The following TRAPPC10 variants were observed in gnomAD, a reference collection of about 807,000 sequenced individuals.
TRAPPC10 encodes the protein trafficking protein particle complex subunit 10, also known as TRAPP 130 kDa subunit.
TRAPPC10 carries 23 observed loss-of-function variants against 125.5 expected under a neutral mutation model. The observed-to-expected ratio is 0.18, with a 90% CI of 0.13 to 0.26. TRAPPC10 has a LOEUF of 0.26. Among genes scored for constraint, TRAPPC10 ranks in the 10% least tolerant of loss-of-function variants. The pLI, the probability that TRAPPC10 is intolerant of heterozygous loss-of-function variation, is 1.00. For missense variants in TRAPPC10, 1,123 were observed against 1,308.4 expected, an observed-to-expected ratio of 0.86 and a Z score of 2.19; for synonymous variants, 509 against 518.0, an observed-to-expected ratio of 0.98 and a Z score of 0.24.
At chr21:44,065,385 G>A (rs2036369767) in intron 7 of TRAPPC10, among the ~76,000 whole-genome samples, 1 of 152,182 alleles carries the variant, frequency 6.6e-6, no homozygotes, top group African/African-American at 2.4e-5. Context: ...CCTCTTATCC[G>A]TGGTGTATTT....
chr21:44,079,960 T>G, intron 12 of TRAPPC10, 55 bp from the exon 13 acceptor site: 1 of 1,489,660 alleles, frequency 6.7e-7, no homozygotes, highest in East Asian at 2.3e-5. Context: ...TGCATCCACT[T>G]CCCCCCGCAC....
chr21:44,040,898 G>T (rs2034371684), intron 3 of TRAPPC10, among the ~76,000 whole-genome samples: 1 of 151,970 alleles, frequency 6.6e-6, no homozygotes, highest in Admixed American at 6.6e-5. Context: ...CTACAGGTGT[G>T]AGCCACTGCG....
At chr21:44,021,247 A>G (rs553527748) in intron 1 of TRAPPC10, among the ~76,000 whole-genome samples, 4 of 152,290 alleles carry the variant, frequency 2.6e-5, no homozygotes, top group African/African-American at 4.8e-5. Context: ...TCAGTGAGCA[A>G]ACATTTACGG....
intron 1 of TRAPPC10, among the ~76,000 whole-genome samples, chr21:44,029,580 A>G (rs1195939581): frequency 1.3e-5 from 2 of 152,270 alleles, no homozygotes; most frequent in African/African-American, 2.4e-5. Flanking sequence ...TGGGCCTTCA[A>G]ATCTACGCTG....
intron 1 of TRAPPC10, among the ~76,000 whole-genome samples, chr21:44,012,828 G>C (rs879505196): frequency 6.6e-6 from 1 of 151,900 alleles, no homozygotes. Context: ...GACTCTGCCC[G>C]GGACTGGGCG....
intron 1 of TRAPPC10, among the ~76,000 whole-genome samples, chr21:44,021,166 T>C (rs1044009705): frequency 5.9e-5 from 9 of 152,252 alleles, no homozygotes; most frequent in African/African-American, 9.6e-5. Context: ...TTGCTTCTCC[T>C]GTAGTCTGTT....
rs28433802 is a variant in TRAPPC10, at chr21:44,059,079, A to T, written c.679-24A>T. 3.2e-6 allele frequency: 5 copies of T among 1,552,654 alleles called. No homozygotes were observed. The highest frequency in any genetic ancestry group is 2.1e-5 in the Admixed American group (1 of 47,666). On this transcript the variant is annotated intron_variant, in intron 5 of 22. Coordinates refer to ENST00000291574, the MANE Select transcript of TRAPPC10 (RefSeq NM_003274.5). The surrounding 1 kb of genome is among the most constrained non-coding windows in gnomAD (Gnocchi z 4.4). ...CATTGATTTATGTTTTTGTTTTTTT[A>T]AAAAACGTATCTTGGGCGAATAGGA...
intron 20 of TRAPPC10, among the ~76,000 whole-genome samples, chr21:44,095,801 C>T (rs2038895576): frequency 6.6e-6 from 1 of 152,182 alleles, no homozygotes; most frequent in African/African-American, 2.4e-5. Context: ...AACTCCTGAC[C>T]TCATGATCCA....
chr21:44,069,682 G>A (rs934139948), intron 7 of TRAPPC10, among the ~76,000 whole-genome samples: 3 of 152,172 alleles, frequency 2.0e-5, no homozygotes, highest in African/African-American at 7.2e-5. Flanking sequence ...ACATGCATCA[G>A]AAGGCAAGTA....
At chr21:44,081,682 T>C (rs951591503) in intron 13 of TRAPPC10, among the ~76,000 whole-genome samples, 7 of 151,156 alleles carry the variant, frequency 4.6e-5, no homozygotes, top group Non-Finnish European at 8.9e-5. Context: ...AGGTCAGGAG[T>C]TTGAGACCAG....
chr21:44,025,476 T>C (rs2032950953), intron 1 of TRAPPC10, among the ~76,000 whole-genome samples: 2 of 152,196 alleles, frequency 1.3e-5, no homozygotes, highest in South Asian at 4.1e-4. Context: ...GATTCCTCAG[T>C]ATTCTTATAT....
Position 44,055,794 on chromosome 21 carries a change from T to G in TRAPPC10, c.579T>G (p.Ser193=), listed in dbSNP as rs1388631175. The change falls in exon 5 of 23, where the codon TCT becomes TCG. Residue 193 remains serine, a synonymous_variant. Coordinates refer to ENST00000291574, the MANE Select transcript of TRAPPC10 (RefSeq NM_003274.5). ...AACTCAGGACATTGCTTCTTATGTCTTTTACCAAAAACCTAGGCAAGTTTG... is the reference window on the plus strand; with the variant it reads ...AACTCAGGACATTGCTTCTTATGTCGTTTACCAAAAACCTAGGCAAGTTTG... ...LTKLRTLLLM[S]FTKNLGKFED... The G allele has an allele frequency of 1.9e-6, 3 of 1,613,814 alleles. No individual in the cohort carries two copies. The highest frequency in any genetic ancestry group is 1.3e-5 in the African/African-American group (1 of 74,898).
intron 18 of TRAPPC10, among the ~76,000 whole-genome samples, chr21:44,091,003 C>T (rs1419893226): frequency 1.3e-5 from 2 of 151,880 alleles, no homozygotes; most frequent in Non-Finnish European, 2.9e-5. Flanking sequence ...CCAGCCTGAC[C>T]AACATAGTGA....
intron 1 of TRAPPC10, among the ~76,000 whole-genome samples, chr21:44,019,318 G>A (rs1208971003): frequency 6.6e-6 from 1 of 152,148 alleles, no homozygotes; most frequent in Non-Finnish European, 1.5e-5. Flanking sequence ...CCAAAGTGCT[G>A]GGATTACAGG....
intron 3 of TRAPPC10, 71 bp downstream of exon 3, chr21:44,037,998 T>A (rs913889949): frequency 8.0e-5 from 125 of 1,556,990 alleles, no homozygotes; most frequent in Non-Finnish European, 1.1e-4. Flanking sequence ...GCTGTGTGAG[T>A]ACCAGTGGGG....
chr21:44,025,760 C>T (rs1244274174), intron 1 of TRAPPC10, among the ~76,000 whole-genome samples: 1 of 151,526 alleles, frequency 6.6e-6, no homozygotes, highest in Non-Finnish European at 1.5e-5. Flanking sequence ...CTTTTGACCC[C>T]ACCTACAGTG....
At chr21:44,073,155 T>A (rs1217928402) in intron 7 of TRAPPC10, among the ~76,000 whole-genome samples, 2 of 152,250 alleles carry the variant, frequency 1.3e-5, no homozygotes, top group African/African-American at 4.8e-5. Context: ...GTAGCTTATC[T>A]TATTTTTCAG....
chr21:44,046,450 T>C (rs1354758696), intron 3 of TRAPPC10: 2 of 278,914 alleles, frequency 7.2e-6, no homozygotes, highest in Non-Finnish European at 1.5e-5. Context: ...CTCCAGTTCT[T>C]CATCTCCAGG....
intron 18 of TRAPPC10, 39 bp downstream of exon 18, chr21:44,089,972 C>A: frequency 1.3e-6 from 2 of 1,504,632 alleles, no homozygotes; most frequent in Non-Finnish European, 9.2e-7. Flanking sequence ...GCTTCTTTCC[C>A]CAGACTCTTC....
Sources: allele counts gnomAD v4.1 joint callset (sites outside exome capture counted in the v4.1 genomes callset), GRCh38; gene constraint gnomAD v4.1.1; non-coding constraint Gnocchi (gnomAD v3.1); transcripts MANE v1.5; gene names NCBI Gene and HGNC (gene_info 2026-07-23, HGNC 2026-07-21).